Variants in LAMB3 observed in about 807,000 individuals in gnomAD.
LAMB3 encodes the protein laminin subunit beta-3.
LAMB3 carries 104 observed loss-of-function variants against 140.3 expected under a neutral mutation model. The ratio of observed to expected loss-of-function variants is 0.74; its 90% confidence interval spans 0.63 to 0.87. LAMB3 has a LOEUF of 0.87. LAMB3 is among the 40% of genes least tolerant of loss of function. The pLI is 0.00. For synonymous variants in LAMB3, 592 were observed against 602.9 expected, an observed-to-expected ratio of 0.98 and a Z score of 0.26; for missense variants, 1,531 against 1,575.2, an observed-to-expected ratio of 0.97 and a Z score of 0.47.
intron 13 of LAMB3, among the ~76,000 whole-genome samples, 163 bp downstream of exon 13, chr1:209,626,704 C>T (rs540214126): frequency 6.6e-5 from 10 of 152,354 alleles, no homozygotes; most frequent in Middle Eastern, 3.4e-3. Context: ...GGAGGCCATG[C>T]CAACAGGCCG....
At chr1:209,643,041 C>A (rs2076484027) in intron 3 of LAMB3, among the ~76,000 whole-genome samples, 1 of 152,158 alleles carries the variant, frequency 6.6e-6, no homozygotes, top group Admixed American at 6.5e-5. Flanking sequence ...AGGAATTTAC[C>A]TCAATCCTCA....
At chr1:209,638,174 G>C (rs1189665728) in intron 4 of LAMB3, among the ~76,000 whole-genome samples, 193 bp from the exon 5 acceptor site, 5 of 152,066 alleles carry the variant, frequency 3.3e-5, no homozygotes, top group Admixed American at 2.6e-4. Flanking sequence ...ATCTGTTTTT[G>C]GCTAAGTTTC....
chr1:209,633,860 A>G (rs1351796006), intron 6 of LAMB3, among the ~76,000 whole-genome samples: 1 of 152,186 alleles, frequency 6.6e-6, no homozygotes, highest in Non-Finnish European at 1.5e-5. Flanking sequence ...GGGGAAACGC[A>G]GTTATGAAAG....
At chr1:209,620,394 G>A (rs1666144226) in intron 18 of LAMB3, among the ~76,000 whole-genome samples, 1 of 152,218 alleles carries the variant, frequency 6.6e-6, no homozygotes, top group South Asian at 2.1e-4. Context: ...TGCCTGGAGA[G>A]TGGGATGCCT....
intron 2 of LAMB3, 63 bp downstream of exon 2, chr1:209,650,854 T>TCCCTGTGG (rs2076560356): frequency 6.6e-7 from 1 of 1,512,724 alleles, no homozygotes; most frequent in Non-Finnish European, 9.2e-7. Flanking sequence ...ACTCTCCTTC[T>TCCCTGTGG]CCCTGTGGCT....
At chr1:209,619,495 G>T (rs2102408091) in intron 18 of LAMB3, among the ~76,000 whole-genome samples, 1 of 152,324 alleles carries the variant, frequency 6.6e-6, no homozygotes, top group Middle Eastern at 3.4e-3. Context: ...CAAGTCAAGT[G>T]GTTCCTCTAA....
rs1213033083 is a variant in LAMB3, at chr1:209,623,097, C to T, written c.2441G>A (p.Cys814Tyr). Residue 814 changes from cysteine (C) to tyrosine (Y), a missense_variant, in exon 17 of 23, where the codon TGT becomes TAT. By Grantham distance (194) the Cys-to-Tyr change is radical. Coordinates refer to ENST00000356082, the MANE Select transcript of LAMB3 (RefSeq NM_000228.3). The surrounding 1 kb of genome is among the most constrained non-coding windows in gnomAD (Gnocchi z 4.2). ...AAGGACACCCCTGCAGCGGGAGCCACAGGCTGTGCCATTGTCTTGGGGACA... is the reference window on the plus strand; with the variant it reads ...AAGGACACCCCTGCAGCGGGAGCCATAGGCTGTGCCATTGTCTTGGGGACA... ...ELCPQDNGTA[C>Y]GSRCRGVLPR... is the part of the protein sequence containing the mutation. The T allele has an allele frequency of 6.2e-7, 1 of 1,614,236 alleles. No individual in the cohort carries two copies. Among genetic ancestry groups the T allele is most frequent in the Non-Finnish European group, 8.5e-7 (1 of 1,180,042 alleles).
chr1:209,641,741 G>C (rs1306882967), intron 3 of LAMB3, among the ~76,000 whole-genome samples: 1 of 152,204 alleles, frequency 6.6e-6, no homozygotes, highest in Non-Finnish European at 1.5e-5. Flanking sequence ...CCTGTCGCTG[G>C]CTGAAATACC....
At chr1:209,649,832 C>T in intron 3 of LAMB3, 132 bp downstream of exon 3, 1 of 1,005,714 alleles carries the variant, frequency 9.9e-7, no homozygotes, top group Non-Finnish European at 1.5e-6. Flanking sequence ...TATACTTTTA[C>T]TGCACTCCCC....
At position 209,625,795 on chromosome 1, in the gene LAMB3, C is replaced by G. The variant is rs371154345; in HGVS notation, c.1829G>C (p.Trp610Ser). 44 of 1,614,052 alleles carry G rather than the reference C, an allele frequency of 2.7e-5. 1 individual carries two copies. The highest frequency in any genetic ancestry group is 3.3e-4 in the Middle Eastern group (2 of 6,084). The change falls in exon 14 of 23, where the codon TGG becomes TCG. Residue 610 changes from tryptophan to serine, a missense_variant. Trp to Ser is a radical substitution (Grantham distance 177). Coordinates refer to ENST00000356082, the MANE Select transcript of LAMB3 (RefSeq NM_000228.3). ...GRLRNATASL[W>S]SGPGLEDRGL... Reference sequence around the variant, plus strand: ...ACGGTCCTCCAGCCCAGGCCCTGACCACAGGCTGGCGGTGGCATTGCGGAG... The same window carrying G: ...ACGGTCCTCCAGCCCAGGCCCTGACGACAGGCTGGCGGTGGCATTGCGGAG...
Position 209,625,803 on chromosome 1 carries a change from G to T in LAMB3, c.1821C>A (p.Ala607=). The change falls in exon 14 of 23, where the codon GCC becomes GCA. Residue 607 remains alanine, a synonymous_variant. Coordinates refer to ENST00000356082, the MANE Select transcript of LAMB3 (RefSeq NM_000228.3). ...CCAGCCCAGGCCCTGACCACAGGCT[G>T]GCGGTGGCATTGCGGAGTCTACCAA... is the stretch of plus-strand genomic sequence containing the variant. ...LRFGRLRNAT[A]SLWSGPGLED... is the part of the protein sequence containing the mutation. The T allele has an allele frequency of 6.2e-7, 1 of 1,614,166 alleles. No individual in the cohort carries two copies. Among genetic ancestry groups the T allele is most frequent in the Non-Finnish European group, 8.5e-7 (1 of 1,180,032 alleles).
At chr1:209,625,425 C>T (rs576011818) in intron 14 of LAMB3, among the ~76,000 whole-genome samples, 1 of 152,288 alleles carries the variant, frequency 6.6e-6, no homozygotes, top group African/African-American at 2.4e-5. Context: ...CTCTGCCCTT[C>T]GGTGGTCATG....
At chr1:209,629,646 G>T in intron 10 of LAMB3, 91 bp downstream of exon 10, 1 of 1,262,868 alleles carries the variant, frequency 7.9e-7, no homozygotes, top group South Asian at 1.2e-5. Flanking sequence ...TGAGGGCCTT[G>T]GTGTGCCCAG....
intron 1 of LAMB3, chr1:209,652,128 C>T (rs2076573075): frequency 6.6e-6 from 1 of 152,268 alleles, no homozygotes; most frequent in South Asian, 2.1e-4. Flanking sequence ...CCAGCCCACC[C>T]TTCTCACTTC....
Position 209,623,703 on chromosome 1 carries a change from T to C in LAMB3, c.2160A>G (p.Thr720=), listed in dbSNP as rs1247539937. 3.1e-6 allele frequency: 5 copies of C among 1,614,116 alleles called. No individual in the cohort carries two copies. In the Admixed American group the frequency reaches 8.3e-5, roughly 27 times the overall value. ...DPSGAFRMLS[T]AYEQSAQAAQ... The stretch of plus-strand genomic sequence containing the variant: ...CAGCCTGGGCTGACTGCTCGTAGGC[T>C]GTGCTCAGCATCCGGAAGGCTCCTG... The change falls in exon 16 of 23, where the codon ACA becomes ACG. Residue 720 remains threonine (T), a synonymous_variant. Coordinates refer to ENST00000356082, the MANE Select transcript of LAMB3 (RefSeq NM_000228.3). The surrounding 1 kb of genome is among the most constrained non-coding windows in gnomAD (Gnocchi z 4.2).
intron 2 of LAMB3, among the ~76,000 whole-genome samples, chr1:209,650,368 C>T: frequency 6.6e-6 from 1 of 152,190 alleles, no homozygotes; most frequent in East Asian, 1.9e-4. Context: ...CCATAGATGA[C>T]CCTAAAATAT....
At chr1:209,629,652 C>T in intron 10 of LAMB3, 85 bp downstream of exon 10, 2 of 1,352,650 alleles carry the variant, frequency 1.5e-6, no homozygotes, top group Non-Finnish European at 2.1e-6. Flanking sequence ...CCTTGGTGTG[C>T]CCAGGAACAT....
intron 3 of LAMB3, among the ~76,000 whole-genome samples, chr1:209,642,021 G>A (rs548294746): frequency 2.0e-5 from 3 of 152,212 alleles, no homozygotes; most frequent in Non-Finnish European, 4.4e-5. Flanking sequence ...CCCTGGTCAA[G>A]AGAGTGCCAG....
Position 209,616,525 on chromosome 1 carries a change from T to A in LAMB3, c.3328A>T (p.Thr1110Ser). The change falls in exon 22 of 23, where the codon ACA becomes TCA. Residue 1110 changes from threonine to serine, a missense_variant. By Grantham distance (58) the Thr-to-Ser change is moderately conservative. Coordinates refer to ENST00000356082, the MANE Select transcript of LAMB3 (RefSeq NM_000228.3). ...EQGARIQSVK[T>S]EAEELFGETM... ...TCCCCAAACAGCTCCTCTGCCTCTG[T>A]CTTCACACTCTGGATCCGGGCACCC... The A allele has an allele frequency of 6.2e-7, 1 of 1,614,186 alleles. No homozygotes were observed. The highest frequency in any genetic ancestry group is 8.5e-7 in the Non-Finnish European group (1 of 1,180,016).
Sources: gnomAD v4.1 joint callset for allele counts (sites outside exome capture counted in the v4.1 genomes callset) on GRCh38, gnomAD v4.1.1 for gene constraint, Gnocchi (gnomAD v3.1) non-coding constraint, MANE v1.5 for transcripts, NCBI Gene and HGNC (gene_info 2026-07-23, HGNC 2026-07-21) for gene names.